ADK: variants seen among roughly 807,000 people sequenced by gnomAD.
ADK encodes N6,N6-dimethyladenosine kinase.
In ADK, 24 loss-of-function variants were observed where a neutral mutation model predicts 44.7. The ratio of observed to expected loss-of-function variants is 0.54; its 90% CI spans 0.39 to 0.76. ADK has a LOEUF of 0.76. ADK is among the 30% of genes least tolerant of loss of function. The pLI, the probability that ADK is intolerant of heterozygous loss-of-function variation, is 0.00. For missense variants in ADK, 321 were observed against 425.1 expected, an observed-to-expected ratio of 0.76 and a Z score of 2.15; for synonymous variants, 128 against 142.6, an observed-to-expected ratio of 0.90 and a Z score of 0.73.
intron 9 of ADK, chr10:74,661,391 G>C: frequency 6.3e-6 from 3 of 479,074 alleles, no homozygotes; most frequent in Non-Finnish European, 8.2e-6. Context: ...TGGGACTCTA[G>C]GCAGTTGACA....
At chr10:74,701,047 G>A (rs538258633) in intron 10 of ADK, among the ~76,000 whole-genome samples, 5 of 152,194 alleles carry the variant, frequency 3.3e-5, no homozygotes, top group Non-Finnish European at 7.3e-5. Flanking sequence ...ACTCTTTTTA[G>A]TAGATTTGGA....
At position 74,496,441 on chromosome 10, in the gene ADK, C is replaced by T. The variant is rs888275493; in HGVS notation, c.556-28815C>T. 5.3e-5 allele frequency among the ~76,000 whole-genome samples: 8 copies of T among 152,140 alleles called. No homozygotes were observed. The East Asian group carries it at 5.8e-4, about 11-fold the overall frequency. ...TGGTTTAATAAGCATCTGGCATTTCCGCTGCTTGCATTCATTCTCTCTCCT... is the reference window on the plus strand; with the variant it reads ...TGGTTTAATAAGCATCTGGCATTTCTGCTGCTTGCATTCATTCTCTCTCCT... On this transcript the variant is annotated intron_variant, in intron 6 of 10. Transcript: ENST00000539909.
intron 6 of ADK, among the ~76,000 whole-genome samples, chr10:74,474,738 G>A (rs1428184035): frequency 9.2e-5 from 14 of 152,048 alleles, no homozygotes; most frequent in Admixed American, 9.2e-4. Flanking sequence ...GCCCAGGCTG[G>A]TCTTGAACCT....
chr10:74,326,022 G>A lies in ADK; in HGVS notation c.273+11277G>A, dbSNP rs11819130. On this transcript the variant is annotated intron_variant, in intron 4 of 10. Coordinates refer to ENST00000539909, the MANE Select transcript of ADK (RefSeq NM_006721.4). ...GGCTAATTTTTGTATTTTTAGTAGAGAGGGGTTTCACCATGTTGGCCAGGG... is the reference window on the plus strand; with the variant it reads ...GGCTAATTTTTGTATTTTTAGTAGAAAGGGGTTTCACCATGTTGGCCAGGG... Among the ~76,000 whole-genome samples the A allele has an allele frequency of 5.2e-3, 795 of 152,194 alleles. 12 individuals are homozygous for A. Among genetic ancestry groups the A allele is most frequent in the African/African-American group, 0.017 (721 of 41,520 alleles).
chr10:74,449,198 G>A lies in ADK; in HGVS notation c.555+50619G>A, dbSNP rs368586865. Among the ~76,000 whole-genome samples, 4 of 152,176 alleles carry A rather than the reference G, an allele frequency of 2.6e-5. No individual in the cohort carries two copies. In the East Asian group the frequency reaches 5.8e-4, roughly 22 times the overall value. ...GGTGGAATTTATTCTCTCTGTCAAG[G>A]AAACTTAAGCCATGCTTTTCTTTTT... is the stretch of plus-strand genomic sequence containing the variant. On this transcript the variant is annotated intron_variant, in intron 6 of 10. Coordinates refer to ENST00000539909, the MANE Select transcript of ADK (RefSeq NM_006721.4).
intron 7 of ADK, among the ~76,000 whole-genome samples, chr10:74,534,799 C>T (rs1213809351): frequency 6.6e-6 from 1 of 152,130 alleles, no homozygotes; most frequent in Non-Finnish European, 1.5e-5. Context: ...GAATATAGTA[C>T]CAAGTGCATG....
At chr10:74,309,146 T>G (rs1840354188) in intron 3 of ADK, among the ~76,000 whole-genome samples, 1 of 152,140 alleles carries the variant, frequency 6.6e-6, no homozygotes, top group African/African-American at 2.4e-5. Context: ...CAGTGCTATT[T>G]GTGTTTTAAA....
At chr10:74,330,806 C>T (rs776588045) in intron 4 of ADK, among the ~76,000 whole-genome samples, 12 of 152,126 alleles carry the variant, frequency 7.9e-5, no homozygotes, top group Admixed American at 2.6e-4. Context: ...CTTACTTAAC[C>T]GACTACAACC....
intron 9 of ADK, among the ~76,000 whole-genome samples, chr10:74,638,418 T>C (rs1853697334): frequency 6.6e-6 from 1 of 152,090 alleles, no homozygotes; most frequent in Admixed American, 6.6e-5. Context: ...CCTCAACACT[T>C]TGAGAGGCTA....
chr10:74,561,969 T>A (rs1190172209), intron 7 of ADK, among the ~76,000 whole-genome samples: 1 of 152,202 alleles, frequency 6.6e-6, no homozygotes, highest in African/African-American at 2.4e-5. Context: ...AATTTGATTG[T>A]GAGATTGTAT....
At chr10:74,400,332 C>T (rs1245736433) in intron 6 of ADK, among the ~76,000 whole-genome samples, 1 of 152,118 alleles carries the variant, frequency 6.6e-6, no homozygotes, top group Non-Finnish European at 1.5e-5. Flanking sequence ...CTTCTCCTAG[C>T]TTGGCTTATT....
intron 4 of ADK, among the ~76,000 whole-genome samples, chr10:74,373,666 T>C (rs1190547221): frequency 1.3e-5 from 2 of 152,078 alleles, no homozygotes; most frequent in African/African-American, 4.8e-5. Context: ...AAGGACAGAG[T>C]TTTGGCAAGG....
intron 4 of ADK, among the ~76,000 whole-genome samples, chr10:74,359,449 C>G (rs1336021120): frequency 6.6e-6 from 1 of 152,072 alleles, no homozygotes; most frequent in Non-Finnish European, 1.5e-5. Flanking sequence ...TGGCTCATGC[C>G]TGTAATCTAG....
At chr10:74,214,083 A>AAT (rs1277701619) in intron 2 of ADK, among the ~76,000 whole-genome samples, 1 of 152,206 alleles carries the variant, frequency 6.6e-6, no homozygotes, top group Non-Finnish European at 1.5e-5. Flanking sequence ...ATTGAGTTTT[A>AAT]ATCCTCGTTT....
At chr10:74,560,775 C>T (rs1006469806) in intron 7 of ADK, among the ~76,000 whole-genome samples, 7 of 152,098 alleles carry the variant, frequency 4.6e-5, no homozygotes, top group African/African-American at 7.2e-5. Flanking sequence ...CACAGTTGGC[C>T]TCATTCTACA....
At chr10:74,598,024 ATACT>A (rs1460597454) in intron 8 of ADK, among the ~76,000 whole-genome samples, 1 of 152,208 alleles carries the variant, frequency 6.6e-6, no homozygotes, top group Non-Finnish European at 1.5e-5. Context: ...TAATCTTAGC[ATACT>A]TATCCCTCAA....
At chr10:74,702,835 G>A (rs1459380583) in intron 10 of ADK, among the ~76,000 whole-genome samples, 15 of 152,088 alleles carry the variant, frequency 9.9e-5, no homozygotes, top group Admixed American at 9.8e-4. Flanking sequence ...CTGACCTCAT[G>A]ATCTGCCTGC....
At chr10:74,162,564 A>C (rs928777088) in intron 1 of ADK, among the ~76,000 whole-genome samples, 1 of 138,746 alleles carries the variant, frequency 7.2e-6, no homozygotes, top group African/African-American at 3.2e-5. Context: ...TGTGTGTGTG[A>C]GACAGAGTCT....
chr10:74,518,032 GA>G (rs1848662524), intron 6 of ADK, among the ~76,000 whole-genome samples: 1 of 152,146 alleles, frequency 6.6e-6, no homozygotes, highest in South Asian at 2.1e-4. Context: ...TCGACTCTGA[GA>G]ACAAAATGTA....
Sources: gnomAD v4.1 joint callset for allele counts (sites outside exome capture counted in the v4.1 genomes callset) on GRCh38, gnomAD v4.1.1 for gene constraint, MANE v1.5 for transcripts, NCBI Gene and HGNC (gene_info 2026-07-23, HGNC 2026-07-21) for gene names.